The following ZNF804A variants were observed in gnomAD, a reference collection of about 807,000 sequenced individuals.
ZNF804A encodes zinc finger protein 804A.
Under a neutral mutation model 16.5 loss-of-function variants are expected in ZNF804A, and 2 were observed. The observed-to-expected ratio is 0.12, with a 90% confidence interval of 0.05 to 0.38. ZNF804A has a LOEUF of 0.38. ZNF804A is among the 10% of genes least tolerant of loss of function. ZNF804A has a pLI of 0.99. For missense variants in ZNF804A, 1,473 were observed against 1,390.7 expected (o/e 1.06, Z -0.94); for synonymous variants, 534 against 489.6 (o/e 1.09, Z -1.20).
chr2:184,910,780 G>T lies in ZNF804A; in HGVS notation c.256-22823G>T, dbSNP rs139586371. Among the ~76,000 whole-genome samples, 903 of 152,056 alleles carry T rather than the reference G, an allele frequency of 5.9e-3. 5 individuals are homozygous for T. The highest frequency in any genetic ancestry group is 0.018 in the African/African-American group (758 of 41,516). ...TGGCCACTTGTATATCTTCTTTTGAGATGTGTCTGGATGTGTCTTTTGCAC... is the reference window on the plus strand; with the variant it reads ...TGGCCACTTGTATATCTTCTTTTGATATGTGTCTGGATGTGTCTTTTGCAC... On this transcript the variant is annotated intron_variant, in intron 2 of 3. Transcript: ENST00000302277.
Position 184,937,567 on chromosome 2 carries a change from G to T in ZNF804A, c.2171G>T (p.Cys724Phe). The T allele has an allele frequency of 1.1e-5, 17 of 1,612,174 alleles. No homozygotes were observed. Among genetic ancestry groups the T allele is most frequent in the Non-Finnish European group, 1.4e-5 (17 of 1,179,522 alleles). ...TTAACATATTCTAGAACTTACTGTT[G>T]TTGGAAAACCAAAATGTCAAGCTGT... ...HNLTYSRTYCCWKTKMSSCSQ... is the reference protein window; with the variant it reads ...HNLTYSRTYCFWKTKMSSCSQ... Residue 724 changes from cysteine (C) to phenylalanine (F), a missense_variant, in exon 4 of 4, where the codon TGT becomes TTT. Cys to Phe is a radical substitution (Grantham distance 205). Transcript: ENST00000302277.
Position 184,836,077 on chromosome 2 carries a change from C to T in ZNF804A, c.112-30292C>T, listed in dbSNP as rs550542285. 2.0e-3 allele frequency among the ~76,000 whole-genome samples: 295 copies of T among 148,230 alleles called. 1 individual carries two copies. Among genetic ancestry groups the T allele is most frequent in the African/African-American group, 7.4e-3 (283 of 38,406 alleles). On this transcript the variant is annotated intron_variant, in intron 1 of 3. Transcript: ENST00000302277. ...ATGTTATCTCTCTGGGCCTCCTTTC[C>T]CTATCTATAAATGAGAATTAATAAT...
chr2:184,733,568 C>A (rs1693557643), intron 1 of ZNF804A, among the ~76,000 whole-genome samples: 1 of 152,084 alleles, frequency 6.6e-6, no homozygotes, highest in Non-Finnish European at 1.5e-5. Flanking sequence ...CTGCTTTGAT[C>A]TTGTGAATAA....
chr2:184,889,934 T>G (rs1365242580), intron 2 of ZNF804A, among the ~76,000 whole-genome samples: 1 of 152,156 alleles, frequency 6.6e-6, no homozygotes, highest in East Asian at 1.9e-4. Flanking sequence ...TCACACCTGC[T>G]TAAATTTTTT....
At chr2:184,717,898 A>C (rs1018764304) in intron 1 of ZNF804A, among the ~76,000 whole-genome samples, 1 of 152,184 alleles carries the variant, frequency 6.6e-6, no homozygotes, top group Non-Finnish European at 1.5e-5. Context: ...GCTTTTCTCT[A>C]AGAACTGGAA....
At chr2:184,705,282 G>A (rs986023946) in intron 1 of ZNF804A, among the ~76,000 whole-genome samples, 4 of 152,136 alleles carry the variant, frequency 2.6e-5, no homozygotes, top group Non-Finnish European at 4.4e-5. Context: ...CTTTATTGAC[G>A]TAGTGGTATT....
chr2:184,884,130 CA>C (rs1684852351), intron 2 of ZNF804A, among the ~76,000 whole-genome samples: 1 of 152,026 alleles, frequency 6.6e-6, no homozygotes, highest in Non-Finnish European at 1.5e-5. Context: ...ACTCAACATA[CA>C]AAAATCAATA....
chr2:184,608,241 G>A (rs999168886), intron 1 of ZNF804A, among the ~76,000 whole-genome samples: 1 of 152,106 alleles, frequency 6.6e-6, no homozygotes, highest in African/African-American at 2.4e-5. Context: ...CACCGCGCCC[G>A]GCCGATGCAT....
chr2:184,670,259 T>A (rs2105711935), intron 1 of ZNF804A, among the ~76,000 whole-genome samples: 1 of 152,248 alleles, frequency 6.6e-6, no homozygotes, highest in South Asian at 2.1e-4. Flanking sequence ...ATTGTTGGTT[T>A]GATTTAATTA....
chr2:184,842,635 A>G (rs1215726003), intron 1 of ZNF804A, among the ~76,000 whole-genome samples: 1 of 151,962 alleles, frequency 6.6e-6, no homozygotes, highest in African/African-American at 2.4e-5. Flanking sequence ...GTCTTATTCT[A>G]TGTTTAAAAT....
At chr2:184,889,771 A>T (rs1574258257) in intron 2 of ZNF804A, among the ~76,000 whole-genome samples, 1 of 152,006 alleles carries the variant, frequency 6.6e-6, no homozygotes, top group East Asian at 1.9e-4. Context: ...CACTAAGTAC[A>T]TGGTACCTAA....
At chr2:184,735,539 A>G (rs1012049288) in intron 1 of ZNF804A, among the ~76,000 whole-genome samples, 3 of 152,188 alleles carry the variant, frequency 2.0e-5, no homozygotes, top group Non-Finnish European at 4.4e-5. Flanking sequence ...GTGTATACCT[A>G]TGTAACAAAC....
chr2:184,937,348 A>G lies in ZNF804A; in HGVS notation c.1952A>G (p.Asp651Gly). ...TATTTAGCTGCAGAGCAATTATTAG[A>G]CTCACATCAGTTACTTGATAAAAGG... is the stretch of plus-strand genomic sequence containing the variant. ...KQYLAAEQLL[D>G]SHQLLDKRPK... Residue 651 changes from aspartate (D) to glycine (G), a missense_variant, in exon 4 of 4, where the codon GAC (aspartate) becomes GGC (glycine). Physicochemically the swap from Asp to Gly is moderately conservative, Grantham distance 94 (BLOSUM62 -1). Transcript: ENST00000302277. 1 of 1,613,842 alleles carries G rather than the reference A, an allele frequency of 6.2e-7. No homozygotes were observed. Among genetic ancestry groups the G allele is most frequent in the Non-Finnish European group, 8.5e-7 (1 of 1,179,900 alleles).
At chr2:184,601,670 T>C (rs1691048748) in intron 1 of ZNF804A, among the ~76,000 whole-genome samples, 1 of 151,974 alleles carries the variant, frequency 6.6e-6, no homozygotes, top group African/African-American at 2.4e-5. Flanking sequence ...ATTTGAATTT[T>C]GCCATTAAAA....
At position 184,904,055 on chromosome 2, in the gene ZNF804A, G is replaced by A. The variant is rs147437339; in HGVS notation, c.256-29548G>A. Reference sequence around the variant, plus strand: ...ATATAAAATCAACATATAAAAATTAGTTGTGTTTCTACATGCTAACAACAA... The same window carrying A: ...ATATAAAATCAACATATAAAAATTAATTGTGTTTCTACATGCTAACAACAA... On this transcript the variant is annotated intron_variant, in intron 2 of 3. Coordinates refer to ENST00000302277, the MANE Select transcript of ZNF804A (RefSeq NM_194250.2). Among the ~76,000 whole-genome samples the A allele has an allele frequency of 3.5e-3, 532 of 152,008 alleles. 5 individuals are homozygous for A. The highest frequency in any genetic ancestry group is 9.5e-3 in the Admixed American group (144 of 15,230).
At chr2:184,891,427 A>C (rs1684982651) in intron 2 of ZNF804A, among the ~76,000 whole-genome samples, 1 of 152,186 alleles carries the variant, frequency 6.6e-6, no homozygotes, top group African/African-American at 2.4e-5. Context: ...AAGTCTTCTA[A>C]ACTTAGTTAA....
In ZNF804A at chr2:184,720,196, G is replaced by A. The variant is rs567701721; in HGVS notation, c.111+121126G>A. ...CATGAGAACAGTGCAGGAAAAACCC[G>A]CTCCCATAATTCAGTCACCTCCCAC... On this transcript the variant is annotated intron_variant, in intron 1 of 3. Coordinates refer to ENST00000302277, the MANE Select transcript of ZNF804A (RefSeq NM_194250.2). Among the ~76,000 whole-genome samples, 15 of 152,150 alleles carry A rather than the reference G, an allele frequency of 9.9e-5. No homozygotes were observed. In the East Asian group the frequency reaches 1.2e-3, roughly 12 times the overall value.
intron 1 of ZNF804A, among the ~76,000 whole-genome samples, chr2:184,619,524 A>G (rs1185156203): frequency 6.6e-6 from 1 of 152,040 alleles, no homozygotes; most frequent in Admixed American, 6.6e-5. Flanking sequence ...AATTAATGAT[A>G]TCCTTCAAAT....
chr2:184,771,965 T>C (rs1386240780), intron 1 of ZNF804A, among the ~76,000 whole-genome samples: 3 of 152,056 alleles, frequency 2.0e-5, no homozygotes, highest in African/African-American at 7.2e-5. Flanking sequence ...AATGTCTCAC[T>C]TCCTCTCAAA....
Sources: allele counts gnomAD v4.1 joint callset (sites outside exome capture counted in the v4.1 genomes callset), GRCh38; gene constraint gnomAD v4.1.1; transcripts MANE v1.5; gene names NCBI Gene and HGNC (gene_info 2026-07-23, HGNC 2026-07-21).